The following NRXN3 variants were observed in gnomAD, a reference collection of about 807,000 sequenced individuals.
NRXN3 encodes neurexin III.
In NRXN3, 32 loss-of-function variants were observed where a neutral mutation model predicts 137.6. The observed-to-expected ratio is 0.23, with a 90% confidence interval of 0.18 to 0.31. The LOEUF (loss-of-function observed/expected upper bound fraction) is 0.31, where lower values mean the gene tolerates loss of function less well. Among genes scored for constraint, NRXN3 ranks in the 10% least tolerant of loss-of-function variants. The probability of loss-of-function intolerance (pLI) is 1.00; values close to 1 mark genes in which losing one functional copy is unlikely to be tolerated. For missense variants in NRXN3, 1,574 were observed against 2,062.5 expected (o/e 0.76, Z 4.59); for synonymous variants, 798 against 784.5 (o/e 1.02, Z -0.29).
intron 15 of NRXN3, among the ~76,000 whole-genome samples, chr14:79,133,085 G>A (rs952713356): frequency 6.6e-6 from 1 of 152,206 alleles, no homozygotes; most frequent in African/African-American, 2.4e-5. Context: ...CTCAGGTCAG[G>A]CAGTAAGTCT....
At chr14:79,715,351 A>G (rs1199869300) in intron 19 of NRXN3, among the ~76,000 whole-genome samples, 1 of 152,182 alleles carries the variant, frequency 6.6e-6, no homozygotes, top group East Asian at 1.9e-4. Flanking sequence ...AGACTGCCCC[A>G]AAACTCCCTG....
chr14:78,414,629 C>T (rs552922676), intron 4 of NRXN3, among the ~76,000 whole-genome samples: 255 of 152,264 alleles, frequency 1.7e-3, no homozygotes, highest in African/African-American at 5.9e-3. Flanking sequence ...AGATCTATTC[C>T]TCTCCATGAC....
chr14:79,236,101 T>C (rs2073313820), intron 15 of NRXN3, among the ~76,000 whole-genome samples: 1 of 152,152 alleles, frequency 6.6e-6, no homozygotes, highest in African/African-American at 2.4e-5. Context: ...ATTGATATTT[T>C]CTCACAATGC....
At position 78,774,830 on chromosome 14, in the gene NRXN3, A is replaced by G. The variant is rs75378298; in HGVS notation, c.2045-28790A>G. ...TCCCACCTACTTGGGAGGCTGAGAC[A>G]GAAGGATTGCTTGAGCCAAGGGTTT... On this transcript the variant is annotated intron_variant, in intron 8 of 20. Coordinates refer to ENST00000335750, the MANE Select transcript of NRXN3 (RefSeq NM_001330195.2). Among the ~76,000 whole-genome samples the G allele has an allele frequency of 3.5e-3, 526 of 152,248 alleles. 3 individuals are homozygous for G. The highest frequency in any genetic ancestry group is 0.012 in the African/African-American group (505 of 41,552).
chr14:78,887,687 C>T (rs2099147540), intron 10 of NRXN3, among the ~76,000 whole-genome samples: 2 of 151,942 alleles, frequency 1.3e-5, no homozygotes, highest in African/African-American at 2.4e-5. Context: ...TTTTTAAACC[C>T]AAGGTTTGCT....
At chr14:79,836,744 G>A (rs2099344835) in intron 20 of NRXN3, among the ~76,000 whole-genome samples, 1 of 152,132 alleles carries the variant, frequency 6.6e-6, no homozygotes, top group South Asian at 2.1e-4. Context: ...GCTGTGCCCA[G>A]CACTTTCTTC....
chr14:78,546,675 C>T (rs1237232788), intron 4 of NRXN3, among the ~76,000 whole-genome samples: 2 of 151,974 alleles, frequency 1.3e-5, no homozygotes, highest in African/African-American at 4.8e-5. Flanking sequence ...TTTATAGATG[C>T]TAGAGGTCCA....
chr14:78,269,326 G>A (rs918524928), intron 2 of NRXN3, among the ~76,000 whole-genome samples: 1 of 152,206 alleles, frequency 6.6e-6, no homozygotes, highest in Non-Finnish European at 1.5e-5. Flanking sequence ...TATGCTAAGT[G>A]GAATAAGCCA....
chr14:79,139,323 G>T (rs1167607630), intron 15 of NRXN3, among the ~76,000 whole-genome samples: 5 of 152,060 alleles, frequency 3.3e-5, no homozygotes, highest in African/African-American at 1.2e-4. Flanking sequence ...GATTTCTCTT[G>T]GTTAGCAAGT....
chr14:79,415,698 A>G (rs1423943751), intron 15 of NRXN3, among the ~76,000 whole-genome samples: 1 of 152,158 alleles, frequency 6.6e-6, no homozygotes, highest in Non-Finnish European at 1.5e-5. Context: ...TCATATCTGT[A>G]CATTCATGTA....
Position 79,861,735 on chromosome 14 carries a change from C to CA in NRXN3, c.4488dup (p.Gly1497ArgfsTer127). ...GTGATCCGGGAGTCGAGCAGCACAA[C>CA]AGGGATGGTCGTCGGCATTGTGGCT... is the stretch of plus-strand genomic sequence containing the variant. On this transcript the variant is annotated frameshift_variant, in exon 21 of 21. Transcript: ENST00000335750. LOFTEE classifies it high-confidence loss of function. The surrounding 1 kb of genome is among the most constrained non-coding windows in gnomAD (Gnocchi z 5.4). 6.2e-7 allele frequency: 1 copy of CA among 1,614,124 alleles called. No individual in the cohort carries two copies. The highest frequency in any genetic ancestry group is 8.5e-7 in the Non-Finnish European group (1 of 1,180,026).
At chr14:79,590,651 C>T (rs1443380888) in intron 16 of NRXN3, among the ~76,000 whole-genome samples, 4 of 152,080 alleles carry the variant, frequency 2.6e-5, no homozygotes, top group African/African-American at 9.7e-5. Flanking sequence ...ATCAGCTTGC[C>T]TATGGCCACC....
chr14:78,235,022 ATGTG>A (rs1555418683), intron 1 of NRXN3, among the ~76,000 whole-genome samples: 47 of 58,072 alleles, frequency 8.1e-4, no homozygotes, highest in African/African-American at 2.2e-3. Flanking sequence ...ATATATATAT[ATGTG>A]TATATATATA....
At chr14:79,097,321 G>A (rs914354211) in intron 15 of NRXN3, among the ~76,000 whole-genome samples, 1 of 152,134 alleles carries the variant, frequency 6.6e-6, no homozygotes, top group Non-Finnish European at 1.5e-5. Context: ...TAGGAGTTTG[G>A]CGGCTGCTAA....
At chr14:79,119,402 C>A (rs2152917996) in intron 15 of NRXN3, among the ~76,000 whole-genome samples, 1 of 152,112 alleles carries the variant, frequency 6.6e-6, no homozygotes, top group South Asian at 2.1e-4. Context: ...ATTGCCTTTC[C>A]CAAAAAGTCT....
chr14:78,436,843 T>C (rs1298725483), intron 4 of NRXN3, among the ~76,000 whole-genome samples: 1 of 152,148 alleles, frequency 6.6e-6, no homozygotes, highest in Non-Finnish European at 1.5e-5. Flanking sequence ...ATGGCCATCA[T>C]TTATTTAGCT....
intron 4 of NRXN3, among the ~76,000 whole-genome samples, chr14:78,435,130 G>T (rs1444693659): frequency 6.6e-6 from 1 of 152,198 alleles, no homozygotes; most frequent in Admixed American, 6.5e-5. Flanking sequence ...TTCCTTTGGA[G>T]ATTCATGTTT....
intron 8 of NRXN3, among the ~76,000 whole-genome samples, chr14:78,730,479 A>G (rs1408672909): frequency 6.6e-6 from 1 of 152,146 alleles, no homozygotes; most frequent in African/African-American, 2.4e-5. Context: ...TGATGCAGCA[A>G]TAATGTCTAT....
chr14:78,964,784 C>T (rs1192273073), intron 11 of NRXN3, among the ~76,000 whole-genome samples: 2 of 151,438 alleles, frequency 1.3e-5, no homozygotes, highest in Non-Finnish European at 2.9e-5. Context: ...TTTCCAGTCT[C>T]TTTGTATTTT....
Sources: allele counts gnomAD v4.1 joint callset (sites outside exome capture counted in the v4.1 genomes callset), GRCh38; gene constraint gnomAD v4.1.1; non-coding constraint Gnocchi (gnomAD v3.1); transcripts MANE v1.5; gene names NCBI Gene and HGNC (gene_info 2026-07-23, HGNC 2026-07-21).